The following DTNBP1 variants were observed in gnomAD, a reference collection of about 807,000 sequenced individuals.
The protein encoded by DTNBP1 is dysbindin.
In DTNBP1, 35 loss-of-function variants were observed where a neutral mutation model predicts 42.8. The ratio of observed to expected loss-of-function variants is 0.82; its 90% CI spans 0.63 to 1.09. The LOEUF is 1.09. Ranked by LOEUF, DTNBP1 falls within the 50% of genes least tolerant of loss-of-function variation. DTNBP1 has a pLI of 0.00. For missense variants in DTNBP1, 457 were observed against 424.2 expected, an observed-to-expected ratio of 1.08 and a Z score of -0.68; for synonymous variants, 171 against 162.2, an observed-to-expected ratio of 1.05 and a Z score of -0.41.
chr6:15,527,529 C>G (rs1772490424), intron 8 of DTNBP1, among the ~76,000 whole-genome samples: 1 of 152,134 alleles, frequency 6.6e-6, no homozygotes, highest in Non-Finnish European at 1.5e-5. Context: ...AATGGTACCC[C>G]TGCAAGAAAT....
At chr6:15,608,678 T>C (rs1758212305) in intron 6 of DTNBP1, among the ~76,000 whole-genome samples, 1 of 152,252 alleles carries the variant, frequency 6.6e-6, no homozygotes, top group Non-Finnish European at 1.5e-5. Context: ...TCCACCACAC[T>C]GGAGCCCTTG....
At chr6:15,611,802 C>T (rs1224197136) in intron 6 of DTNBP1, among the ~76,000 whole-genome samples, 1 of 152,202 alleles carries the variant, frequency 6.6e-6, no homozygotes, top group Non-Finnish European at 1.5e-5. Context: ...GATTGAATTA[C>T]TGCAATCTCG....
At chr6:15,541,193 C>A (rs1282879484) in intron 7 of DTNBP1, among the ~76,000 whole-genome samples, 1 of 152,216 alleles carries the variant, frequency 6.6e-6, no homozygotes, top group South Asian at 2.1e-4. Context: ...AACTTTGCTG[C>A]CCAACAGCTA....
At chr6:15,625,788 A>T (rs1281632142) in intron 5 of DTNBP1, among the ~76,000 whole-genome samples, 2 of 152,226 alleles carry the variant, frequency 1.3e-5, no homozygotes, top group Admixed American at 1.3e-4. Flanking sequence ...CATACAACCA[A>T]TGAAAAGCAA....
At position 15,640,842 on chromosome 6, in the gene DTNBP1, T is replaced by C. The variant is rs145950453; in HGVS notation, c.162-3038A>G. On this transcript the variant is annotated intron_variant, in intron 3 of 9. Transcript: ENST00000344537. ...AAACTGAGGTTCATTTCAGTCGACT[T>C]CAGGTTTTAGCACAATGACAGCTAC... 4.7e-3 allele frequency among the ~76,000 whole-genome samples: 718 copies of C among 152,248 alleles called. 6 individuals carry two copies. Among genetic ancestry groups the C allele is most frequent in the African/African-American group, 0.017 (691 of 41,526 alleles).
rs183591796 is a variant in DTNBP1 at position 15,554,747 on chromosome 6, A to G, written c.512-21352T>C. 5.3e-5 allele frequency among the ~76,000 whole-genome samples: 8 copies of G among 150,900 alleles called. No homozygotes were observed. The East Asian group carries it at 1.5e-3, about 29-fold the overall frequency. On this transcript the variant is annotated intron_variant, in intron 7 of 9. Coordinates refer to ENST00000344537, the MANE Select transcript of DTNBP1 (RefSeq NM_032122.5). ...AGCTTCATGCTCCTTCATGGGACTG[A>G]TGTACAAAAAAATGGTGGCATTAGC...
At position 15,572,829 on chromosome 6, in the gene DTNBP1, G is replaced by A. The variant is rs149805578; in HGVS notation, c.511+20230C>T. ...TCACTGCACCTTCAACCTCCCTGAC[G>A]TAAGTGATCCTCCCACCTCAGCCTC... is the stretch of plus-strand genomic sequence containing the variant. On this transcript the variant is annotated intron_variant, in intron 7 of 9. Transcript: ENST00000344537. Among the ~76,000 whole-genome samples the A allele has an allele frequency of 1.9e-3, 294 of 152,120 alleles. 4 individuals carry two copies. The Middle Eastern group carries it at 0.024, about 12-fold the overall frequency.
chr6:15,603,703 C>T (rs1214732648), intron 6 of DTNBP1, among the ~76,000 whole-genome samples: 1 of 152,144 alleles, frequency 6.6e-6, no homozygotes, highest in Non-Finnish European at 1.5e-5. Context: ...TTATGATTTG[C>T]TAAGCACGTC....
At chr6:15,543,220 A>G (rs1431836826) in intron 7 of DTNBP1, among the ~76,000 whole-genome samples, 1 of 152,140 alleles carries the variant, frequency 6.6e-6, no homozygotes, top group Non-Finnish European at 1.5e-5. Flanking sequence ...GCAATACTCA[A>G]TTTTTAAAGC....
At chr6:15,660,559 C>T (rs1222838556) in intron 1 of DTNBP1, 1 of 1,288,518 alleles carries the variant, frequency 7.8e-7, no homozygotes, top group Non-Finnish European at 1.0e-6. Flanking sequence ...CTAATGAAGC[C>T]CTCTCAGGAT....
At chr6:15,578,088 G>C (rs2113558802) in intron 7 of DTNBP1, among the ~76,000 whole-genome samples, 1 of 152,350 alleles carries the variant, frequency 6.6e-6, no homozygotes, top group Middle Eastern at 3.4e-3. Flanking sequence ...AACGCTGCCA[G>C]AGCAAAGCCC....
chr6:15,598,241 G>C (rs1776590276), intron 6 of DTNBP1, among the ~76,000 whole-genome samples: 1 of 152,168 alleles, frequency 6.6e-6, no homozygotes, highest in Non-Finnish European at 1.5e-5. Flanking sequence ...CTATATATAT[G>C]AGTAGAAATC....
chr6:15,577,972 G>A (rs556400134), intron 7 of DTNBP1, among the ~76,000 whole-genome samples: 1 of 152,318 alleles, frequency 6.6e-6, no homozygotes, highest in Non-Finnish European at 1.5e-5. Flanking sequence ...TACTTTTACA[G>A]GCAAAAGGGA....
intron 3 of DTNBP1, among the ~76,000 whole-genome samples, chr6:15,647,480 A>G (rs1760755902): frequency 6.6e-6 from 1 of 151,842 alleles, no homozygotes; most frequent in Non-Finnish European, 1.5e-5. Context: ...TCAAAAGCAC[A>G]TTTGAGAAGA....
At chr6:15,635,587 T>C (rs1046870842) in intron 4 of DTNBP1, among the ~76,000 whole-genome samples, 2 of 152,272 alleles carry the variant, frequency 1.3e-5, no homozygotes, top group Non-Finnish European at 2.9e-5. Context: ...TTAGGTTTAC[T>C]GGATATGTTG....
chr6:15,523,911 T>C (rs925465364), intron 9 of DTNBP1: 1 of 1,287,284 alleles, frequency 7.8e-7, no homozygotes, highest in Non-Finnish European at 1.0e-6. Context: ...GCTGAGGTGC[T>C]GCTGGGACGA....
chr6:15,610,942 T>A (rs1758355836), intron 6 of DTNBP1, among the ~76,000 whole-genome samples: 1 of 152,264 alleles, frequency 6.6e-6, no homozygotes, highest in Non-Finnish European at 1.5e-5. Context: ...TGCAGCAGCT[T>A]ATCCAGAAGA....
chr6:15,651,316 C>T lies in DTNBP1; in HGVS notation c.158G>A (p.Ser53Asn). 6.2e-7 allele frequency: 1 copy of T among 1,611,188 alleles called. No individual in the cohort carries two copies. The highest frequency in any genetic ancestry group is 8.5e-7 in the Non-Finnish European group (1 of 1,179,474). ...CCTCTACAAATGAAACACTTACCTG[C>T]TAAGTAATTCTAATCCAGCAGAGTA... The part of the protein sequence containing the change: ...PKYSAGLELL[S>N]RYEDTWAALH... Residue 53 changes from serine to asparagine, a missense_variant, in exon 3 of 10, where the codon AGC becomes AAC. By Grantham distance (46) the Ser-to-Asn change is conservative. Transcript: ENST00000344537.
At chr6:15,649,707 T>C (rs1230749101) in intron 3 of DTNBP1, among the ~76,000 whole-genome samples, 1 of 152,236 alleles carries the variant, frequency 6.6e-6, no homozygotes, top group Admixed American at 6.5e-5. Flanking sequence ...TAAAATGGTC[T>C]TTCTCACATT....
Sources: allele counts gnomAD v4.1 joint callset (sites outside exome capture counted in the v4.1 genomes callset), GRCh38; gene constraint gnomAD v4.1.1; transcripts MANE v1.5; gene names NCBI Gene and HGNC (gene_info 2026-07-23, HGNC 2026-07-21).